SLC36A1: variants seen among roughly 807,000 people sequenced by gnomAD.
The protein encoded by SLC36A1 is solute carrier family 36 member 1.
SLC36A1 carries 30 observed loss-of-function variants against 47.5 expected under a neutral mutation model. The observed-to-expected ratio is 0.63, with a 90% CI of 0.47 to 0.86. The LOEUF (loss-of-function observed/expected upper bound fraction) is 0.86, where lower values mean the gene tolerates loss of function less well. Among genes scored for constraint, SLC36A1 ranks in the 40% least tolerant of loss-of-function variants. SLC36A1 has a pLI of 0.00. For missense variants in SLC36A1, 517 were observed against 606.0 expected (o/e 0.85, Z 1.54); for synonymous variants, 255 against 249.7 (o/e 1.02, Z -0.20).
chr5:151,482,514 A>AT (rs934607763), intron 10 of SLC36A1, among the ~76,000 whole-genome samples: 6 of 151,696 alleles, frequency 4.0e-5, no homozygotes, highest in East Asian at 1.9e-4. Context: ...TAACAAAGTA[A>AT]TTTTTTTTTG....
chr5:151,380,922 C>T, the SLC36A1 span: 6 of 403,884 alleles, frequency 1.5e-5, no homozygotes, highest in African/African-American at 6.2e-5. Context: ...CAAGCATTGG[C>T]AATGCTCCAG....
At chr5:151,357,135 AC>A in the SLC36A1 span, among the ~76,000 whole-genome samples, 1 of 152,240 alleles carries the variant, frequency 6.6e-6, no homozygotes, top group African/African-American at 2.4e-5. Context: ...GTGGTAGACA[AC>A]TGGAAAATCT....
chr5:151,443,117 A>C (rs1416522455), upstream of SLC36A1, among the ~76,000 whole-genome samples: 2 of 152,184 alleles, frequency 1.3e-5, no homozygotes, highest in Non-Finnish European at 2.9e-5. Flanking sequence ...AGATATCTTT[A>C]TGGGGTGGTG....
At chr5:151,416,920 C>G in the SLC36A1 span, among the ~76,000 whole-genome samples, 2 of 152,170 alleles carry the variant, frequency 1.3e-5, no homozygotes, top group Non-Finnish European at 2.9e-5. Context: ...TCATGAGATC[C>G]TATGGTTTTA....
At chr5:151,388,549 C>A in the SLC36A1 span, among the ~76,000 whole-genome samples, 1 of 148,118 alleles carries the variant, frequency 6.8e-6, no homozygotes, top group Non-Finnish European at 1.5e-5. Context: ...ACAGTCTTAA[C>A]CCAGAAAATG....
chr5:151,417,543 G>A, the SLC36A1 span, among the ~76,000 whole-genome samples: 3 of 152,278 alleles, frequency 2.0e-5, no homozygotes, highest in South Asian at 6.2e-4. Flanking sequence ...GAGATCTGTG[G>A]AACTTTAAAC....
rs144783326 is a variant in SLC36A1 at position 151,467,724 on chromosome 5, T to C, written c.522T>C (p.Asn174=). The C allele has an allele frequency of 3.1e-6, 5 of 1,613,904 alleles. No homozygotes were observed. In the African/African-American group the frequency reaches 4.0e-5, roughly 13 times the overall value. ...CATTCTAGGTGATAGAAGCGGCCAA[T>C]GGGACCACCAATAACTGCCACAACA... is the stretch of plus-strand genomic sequence containing the variant. ...DNFKQVIEAA[N]GTTNNCHNNE... Residue 174 remains asparagine (N), a synonymous_variant, in exon 7 of 11, where the codon AAT becomes AAC. Coordinates refer to ENST00000243389, the MANE Select transcript of SLC36A1 (RefSeq NM_078483.4).
At chr5:151,543,082 A>G in the SLC36A1 span, 2 of 1,614,160 alleles carry the variant, frequency 1.2e-6, no homozygotes, top group Middle Eastern at 1.6e-4. Flanking sequence ...TTTTTTAGGA[A>G]CCACCTGAAG....
intron 7 of SLC36A1, among the ~76,000 whole-genome samples, chr5:151,471,801 C>T (rs1256014566): frequency 2.6e-5 from 4 of 152,092 alleles, no homozygotes; most frequent in African/African-American, 9.7e-5. Flanking sequence ...CTTTTACTTG[C>T]CTGAAATTAT....
At chr5:151,381,777 C>A in the SLC36A1 span, among the ~76,000 whole-genome samples, 1 of 152,178 alleles carries the variant, frequency 6.6e-6, no homozygotes, top group African/African-American at 2.4e-5. Context: ...AATCAGCACT[C>A]CTGGCTCACT....
At chr5:151,350,602 C>T in the SLC36A1 span, among the ~76,000 whole-genome samples, 2 of 152,044 alleles carry the variant, frequency 1.3e-5, no homozygotes, top group Non-Finnish European at 2.9e-5. Context: ...ATTCTCATTT[C>T]TCTCCATTAA....
At chr5:151,459,775 C>T (rs536100982) in intron 2 of SLC36A1, 1 of 152,228 alleles carries the variant, frequency 6.6e-6, no homozygotes, top group African/African-American at 2.4e-5. Context: ...ATGTCCTAGA[C>T]TTATGCCATT....
chr5:151,364,748 C>G, the SLC36A1 span, among the ~76,000 whole-genome samples: 1 of 152,142 alleles, frequency 6.6e-6, no homozygotes, highest in African/African-American at 2.4e-5. Flanking sequence ...CTGGAAAGCA[C>G]AAGGTGAAAC....
At chr5:151,376,780 A>G in the SLC36A1 span, among the ~76,000 whole-genome samples, 1 of 152,002 alleles carries the variant, frequency 6.6e-6, no homozygotes, top group Non-Finnish European at 1.5e-5. Flanking sequence ...TTACAGGCAC[A>G]TGCCACCACA....
chr5:151,345,762 G>A, the SLC36A1 span, among the ~76,000 whole-genome samples: 3 of 152,184 alleles, frequency 2.0e-5, no homozygotes, highest in Non-Finnish European at 2.9e-5. Context: ...AACATAGTGC[G>A]GTAAGTCATG....
At chr5:151,347,273 G>A in the SLC36A1 span, 24 of 1,613,832 alleles carry the variant, frequency 1.5e-5, no homozygotes, top group Middle Eastern at 3.3e-4. Flanking sequence ...AGCAGAAATA[G>A]GGATGGCAGA....
chr5:151,458,783 C>G lies in SLC36A1; in HGVS notation c.-5-5C>G. Reference sequence around the variant, plus strand: ...GAGGTCTTAATGCTGGCCCTGTCCCCCCAGCTGCCATGTCCACGCAGAGAC... The same window carrying G: ...GAGGTCTTAATGCTGGCCCTGTCCCGCCAGCTGCCATGTCCACGCAGAGAC... On this transcript the variant is annotated splice_region_variant and splice_polypyrimidine_tract_variant and intron_variant, in intron 1 of 10. Coordinates refer to ENST00000243389, the MANE Select transcript of SLC36A1 (RefSeq NM_078483.4). The G allele has an allele frequency of 6.2e-7, 1 of 1,613,110 alleles. No homozygotes were observed. Among genetic ancestry groups the G allele is most frequent in the Non-Finnish European group, 8.5e-7 (1 of 1,179,334 alleles).
chr5:151,394,161 A>C, the SLC36A1 span, among the ~76,000 whole-genome samples: 1 of 152,042 alleles, frequency 6.6e-6, no homozygotes, highest in Admixed American at 6.6e-5. Flanking sequence ...TTTGATCTTC[A>C]GTCACTGATA....
chr5:151,534,442 C>T, the SLC36A1 span: 2 of 1,612,880 alleles, frequency 1.2e-6, no homozygotes, highest in East Asian at 2.2e-5. Flanking sequence ...ACTACAGCCA[C>T]AGGGGTCTTC....
Sources: allele counts gnomAD v4.1 joint callset (sites outside exome capture counted in the v4.1 genomes callset), GRCh38; gene constraint gnomAD v4.1.1; transcripts MANE v1.5; gene names NCBI Gene and HGNC (gene_info 2026-07-23, HGNC 2026-07-21).